Variants in ANK2 observed in about 807,000 individuals in gnomAD.
ANK2 encodes ankyrin-2.
In ANK2, 83 loss-of-function variants were observed where a neutral mutation model predicts 360.5. That is an observed-to-expected ratio of 0.23 (90% CI 0.19 to 0.28). The LOEUF (loss-of-function observed/expected upper bound fraction) is 0.28. Among genes scored for constraint, ANK2 ranks in the 10% least tolerant of loss-of-function variants. The probability of loss-of-function intolerance (pLI) is 1.00; values close to 1 mark genes in which losing one functional copy is unlikely to be tolerated. For missense variants in ANK2, 4,201 were observed against 4,795.7 expected (o/e 0.88, Z 3.66); for synonymous variants, 1,740 against 1,759.5 (o/e 0.99, Z 0.28).
intron 20 of ANK2, 121 bp from the exon 21 acceptor site, chr4:113,292,295 C>A (rs751394522): frequency 2.2e-6 from 2 of 912,804 alleles, no homozygotes; most frequent in Non-Finnish European, 3.5e-6. Context: ...TCATCTTGGG[C>A]TCCAAATAAA....
At chr4:112,806,582 C>T in the ANK2 span, among the ~76,000 whole-genome samples, 6 of 152,222 alleles carry the variant, frequency 3.9e-5, no homozygotes, top group African/African-American at 1.2e-4. Flanking sequence ...GTAATCCCAG[C>T]GCTTTGGGAG....
chr4:113,311,641 A>G (rs188458601), intron 24 of ANK2, among the ~76,000 whole-genome samples: 2 of 151,574 alleles, frequency 1.3e-5, no homozygotes, highest in East Asian at 3.9e-4. Flanking sequence ...AGTAAGAAGC[A>G]AAACCATCAT....
At chr4:112,946,298 C>T (rs978036693) in intron 2 of ANK2, among the ~76,000 whole-genome samples, 2 of 152,052 alleles carry the variant, frequency 1.3e-5, no homozygotes, top group Admixed American at 1.3e-4. Flanking sequence ...AGGATGGGGT[C>T]GGCTTTCAGG....
intron 9 of ANK2, among the ~76,000 whole-genome samples, chr4:113,245,076 T>C (rs1027148390): frequency 4.6e-5 from 7 of 152,166 alleles, no homozygotes; most frequent in African/African-American, 1.7e-4. Context: ...ATTGATCTTT[T>C]TTAGCACTAA....
chr4:112,934,209 T>C (rs1235265380), intron 2 of ANK2, among the ~76,000 whole-genome samples: 1 of 152,196 alleles, frequency 6.6e-6, no homozygotes, highest in East Asian at 1.9e-4. Flanking sequence ...ATAAAAACTT[T>C]TGCAAGATAG....
chr4:113,233,106 G>GTTTT (rs1156385030), intron 5 of ANK2, among the ~76,000 whole-genome samples: 1 of 79,708 alleles, frequency 1.3e-5, no homozygotes, highest in Non-Finnish European at 2.5e-5. Flanking sequence ...TGGCTTTTCT[G>GTTTT]TTTTTTTTTT....
chr4:112,874,613 G>A (rs1275456408), intron 1 of ANK2, among the ~76,000 whole-genome samples: 1 of 137,250 alleles, frequency 7.3e-6, no homozygotes, highest in African/African-American at 2.8e-5. Flanking sequence ...CTGCACTCCA[G>A]CTGGGTGCGA....
chr4:113,116,373 C>G lies in ANK2; in HGVS notation c.85-58043C>G, dbSNP rs141899568. Among the ~76,000 whole-genome samples, 4 of 152,228 alleles carry G rather than the reference C, an allele frequency of 2.6e-5. No homozygotes were observed. The East Asian group carries it at 7.8e-4, about 30-fold the overall frequency. On this transcript the variant is annotated intron_variant, in intron 1 of 45. Transcript: ENST00000357077. The stretch of plus-strand genomic sequence containing the variant: ...TCCCCGCTCTTTCTCCCAGGAAAAC[C>G]TCGCTGAGCCCAGATTATATTGTTT...
chr4:113,350,548 G>A (rs994849621), intron 37 of ANK2: 8 of 311,588 alleles, frequency 2.6e-5, no homozygotes, highest in South Asian at 1.3e-4. Context: ...CCACCCTACC[G>A]TTTTGTCCAT....
At chr4:113,374,270 A>T (rs763496245) in intron 45 of ANK2, among the ~76,000 whole-genome samples, 1 of 152,148 alleles carries the variant, frequency 6.6e-6, no homozygotes, top group Non-Finnish European at 1.5e-5. Flanking sequence ...TTTCAGGGAC[A>T]TATTTACTTG....
intron 22 of ANK2, among the ~76,000 whole-genome samples, chr4:113,297,329 A>G (rs1239557537): frequency 6.6e-6 from 1 of 152,184 alleles, no homozygotes; most frequent in Non-Finnish European, 1.5e-5. Context: ...CTTAGTGCAG[A>G]ATCTTTTTAA....
Position 113,182,661 on chromosome 4 carries a change from C to T in ANK2, c.186+8144C>T, listed in dbSNP as rs9991332. Reference sequence around the variant, plus strand: ...ATGAAATGATAAACTCTGTAAAATGCTGTTGATCCAATAAGCTGAGGAACT... The same window carrying T: ...ATGAAATGATAAACTCTGTAAAATGTTGTTGATCCAATAAGCTGAGGAACT... On this transcript the variant is annotated intron_variant, in intron 2 of 45. Coordinates refer to ENST00000357077, the MANE Select transcript of ANK2 (RefSeq NM_001148.6). 6.3e-3 allele frequency among the ~76,000 whole-genome samples: 963 copies of T among 152,242 alleles called. 13 individuals carry two copies. The highest frequency in any genetic ancestry group is 0.022 in the African/African-American group (924 of 41,530).
rs2058382313 is a variant in ANK2, at chr4:112,826,256, C to G, written c.-40+7992C>G. On this transcript the variant is annotated intron_variant, in intron 1 of 30. Coordinates refer to the ANK2 transcript ENST00000503271. Reference sequence around the variant, plus strand: ...TCTAAGTCTAAGGCCTATCTCATAACCTGTTGTTACTATTTTGACTATAAA... The same window carrying G: ...TCTAAGTCTAAGGCCTATCTCATAAGCTGTTGTTACTATTTTGACTATAAA... 1.5e-5 allele frequency: 7 copies of G among 461,928 alleles called. No individual in the cohort carries two copies. The South Asian group carries it at 1.7e-4, about 11-fold the overall frequency. The allele number at this position is 461,928 out of a possible 1,614,324, so 28.6% of individuals were successfully genotyped here.
At chr4:112,735,312 CAG>C in the ANK2 span, among the ~76,000 whole-genome samples, 1 of 151,690 alleles carries the variant, frequency 6.6e-6, no homozygotes, top group African/African-American at 2.4e-5. Context: ...GGCTGGGTGG[CAG>C]AGAGATACTC....
chr4:112,843,920 C>A (rs1430115292), intron 1 of ANK2, among the ~76,000 whole-genome samples: 4 of 152,056 alleles, frequency 2.6e-5, no homozygotes, highest in South Asian at 4.1e-4. Flanking sequence ...GACTTTAAAG[C>A]AATTGACTCT....
At chr4:113,290,437 T>C (rs2153737107) in intron 20 of ANK2, among the ~76,000 whole-genome samples, 1 of 152,314 alleles carries the variant, frequency 6.6e-6, no homozygotes, top group South Asian at 2.1e-4. Flanking sequence ...TGATGTGGTA[T>C]AAAAGATTTG....
chr4:112,762,539 T>C, the ANK2 span, among the ~76,000 whole-genome samples: 1 of 152,180 alleles, frequency 6.6e-6, no homozygotes, highest in Non-Finnish European at 1.5e-5. Flanking sequence ...TTAGACAGAG[T>C]CTCACTGTCA....
chr4:113,024,424 C>G (rs886348916), intron 2 of ANK2, among the ~76,000 whole-genome samples: 26 of 151,990 alleles, frequency 1.7e-4, no homozygotes, highest in African/African-American at 6.3e-4. Flanking sequence ...CTGAGAGAAA[C>G]AAAAATTTTT....
chr4:113,323,722 G>T (rs761065444), intron 26 of ANK2: 1 of 1,586,242 alleles, frequency 6.3e-7, no homozygotes, highest in Non-Finnish European at 8.6e-7. Flanking sequence ...CACTTTATCC[G>T]TTCCTTCTCT....
Sources: allele counts gnomAD v4.1 joint callset (sites outside exome capture counted in the v4.1 genomes callset), GRCh38; gene constraint gnomAD v4.1.1; transcripts MANE v1.5; gene names NCBI Gene and HGNC (gene_info 2026-07-23, HGNC 2026-07-21).